Variants in NECTIN1 observed in about 807,000 individuals in gnomAD.
The protein encoded by NECTIN1 is nectin cell adhesion molecule 1, also known as nectin-1.
In NECTIN1, 23 loss-of-function variants were observed where a neutral mutation model predicts 48.0. The ratio of observed to expected loss-of-function variants is 0.48; its 90% CI spans 0.34 to 0.68. The LOEUF (loss-of-function observed/expected upper bound fraction) is 0.68. NECTIN1 is among the 30% of genes least tolerant of loss of function. The pLI is 0.01. For synonymous variants in NECTIN1, 270 were observed against 288.9 expected (o/e 0.93, Z 0.66); for missense variants, 591 against 709.9 (o/e 0.83, Z 1.90).
At chr11:119,726,349 C>A (rs1167666521) in intron 1 of NECTIN1, among the ~76,000 whole-genome samples, 1 of 152,192 alleles carries the variant, frequency 6.6e-6, no homozygotes, top group Non-Finnish European at 1.5e-5. Context: ...CCTCCCTGCA[C>A]CCGTGGACCC....
intron 1 of NECTIN1, 144 bp downstream of exon 1, chr11:119,728,331 C>T (rs1263707978): frequency 5.7e-6 from 4 of 707,428 alleles, no homozygotes; most frequent in Non-Finnish European, 9.2e-6. Flanking sequence ...TCCGCCGTGC[C>T]ACCTCCCACC....
chr11:119,650,951 G>A (rs373926972), intron 5 of NECTIN1, among the ~76,000 whole-genome samples: 123 of 152,216 alleles, frequency 8.1e-4, no homozygotes, highest in Middle Eastern at 6.8e-3. Flanking sequence ...CTGTTGTTAG[G>A]CTCCTGGGAC....
intron 1 of NECTIN1, among the ~76,000 whole-genome samples, chr11:119,706,135 C>T (rs1366291198): frequency 6.6e-6 from 1 of 152,242 alleles, no homozygotes; most frequent in Non-Finnish European, 1.5e-5. Context: ...CTTCCACCTT[C>T]CCCTTCCGTC....
chr11:119,669,961 A>ATTTTTT (rs1565384688), intron 5 of NECTIN1, among the ~76,000 whole-genome samples: 1 of 141,992 alleles, frequency 7.0e-6, no homozygotes, highest in African/African-American at 2.8e-5. Flanking sequence ...CAAAATTACT[A>ATTTTTT]CTTTTTTTTT....
intron 1 of NECTIN1, among the ~76,000 whole-genome samples, chr11:119,679,169 G>A (rs1865016381): frequency 6.6e-6 from 1 of 152,062 alleles, no homozygotes; most frequent in Admixed American, 6.5e-5. Context: ...GTTGCTTTTC[G>A]AGCAGAGCCC....
At chr11:119,691,509 C>T (rs1865252143) in intron 1 of NECTIN1, among the ~76,000 whole-genome samples, 1 of 152,212 alleles carries the variant, frequency 6.6e-6, no homozygotes, top group Admixed American at 6.5e-5. Context: ...GGGCACGGTG[C>T]TGCCCACTCT....
chr11:119,682,252 A>G (rs1865071823), intron 1 of NECTIN1, among the ~76,000 whole-genome samples: 1 of 152,098 alleles, frequency 6.6e-6, no homozygotes, highest in South Asian at 2.1e-4. Context: ...AGGGATCACC[A>G]CCGGAAAGAA....
At chr11:119,719,933 C>T (rs1374720819) in intron 1 of NECTIN1, among the ~76,000 whole-genome samples, 1 of 151,852 alleles carries the variant, frequency 6.6e-6, no homozygotes, top group African/African-American at 2.4e-5. Context: ...CTTCAGTATT[C>T]AGATTTCATA....
chr11:119,677,890 C>T lies in NECTIN1; in HGVS notation c.431-33G>A, dbSNP rs749417229. ...GAAGCAGAGAGAGTGATGGGACTAG[C>T]CCTGTTGACTTGTCCAAGATGCACC... On this transcript the variant is annotated intron_variant, in intron 2 of 5. Coordinates refer to ENST00000264025, the MANE Select transcript of NECTIN1 (RefSeq NM_002855.5). This position sits in a 1 kb window ranked among gnomAD's most constrained non-coding sequence, Gnocchi z 5.4. 3 of 1,604,652 alleles carry T rather than the reference C, an allele frequency of 1.9e-6. No homozygotes were observed. The highest frequency in any genetic ancestry group is 2.2e-5 in the South Asian group (2 of 90,810).
chr11:119,720,465 C>A (rs1156847512), intron 1 of NECTIN1, among the ~76,000 whole-genome samples: 1 of 152,288 alleles, frequency 6.6e-6, no homozygotes, highest in Non-Finnish European at 1.5e-5. Flanking sequence ...CCCATCTCCA[C>A]TGACTCATTT....
intron 1 of NECTIN1, among the ~76,000 whole-genome samples, chr11:119,700,829 G>A (rs1865438141): frequency 6.6e-6 from 1 of 152,146 alleles, no homozygotes; most frequent in Admixed American, 6.5e-5. Flanking sequence ...TTCTGGGATG[G>A]GGGGTATATG....
At chr11:119,701,660 A>G (rs935465041) in intron 1 of NECTIN1, among the ~76,000 whole-genome samples, 1 of 152,110 alleles carries the variant, frequency 6.6e-6, no homozygotes, top group African/African-American at 2.4e-5. Flanking sequence ...GCATCTGGAG[A>G]GGAGACAAAC....
intron 1 of NECTIN1, among the ~76,000 whole-genome samples, chr11:119,721,375 C>T (rs371656362): frequency 5.3e-5 from 8 of 152,366 alleles, no homozygotes; most frequent in African/African-American, 1.9e-4. Context: ...ATAGCTTGAA[C>T]TCAGACTCCC....
chr11:119,670,903 T>A (rs547079977), intron 5 of NECTIN1, among the ~76,000 whole-genome samples: 1 of 152,090 alleles, frequency 6.6e-6, no homozygotes, highest in African/African-American at 2.4e-5. Context: ...CCTCCCAAAG[T>A]GCTGGGATTA....
intron 5 of NECTIN1, among the ~76,000 whole-genome samples, chr11:119,643,849 GAGCACTTATTGC>G (rs1012700150): frequency 6.6e-6 from 1 of 152,242 alleles, no homozygotes; most frequent in Non-Finnish European, 1.5e-5. Context: ...GGCCTCCAGG[GAGCACTTATTGC>G]CCACCAGGCT....
At position 119,673,388 on chromosome 11, in the gene NECTIN1, C is replaced by T. The variant is rs1591454722; in HGVS notation, c.1003+1771G>A. On this transcript the variant is annotated intron_variant, in intron 5 of 5. Transcript: ENST00000264025. This position sits in a 1 kb window ranked among gnomAD's most constrained non-coding sequence, Gnocchi z 5.8. ...GCTGCCAGCAAGAGCCATGTTGTGT[C>T]CCTCTTCCAGCTGGGACCCTAGGTG... 6.6e-6 allele frequency among the ~76,000 whole-genome samples: 1 copy of T among 152,192 alleles called. No individual in the cohort carries two copies. Among genetic ancestry groups the T allele is most frequent in the East Asian group, 1.9e-4 (1 of 5,194 alleles).
At chr11:119,667,671 C>T (rs1301220426) in intron 5 of NECTIN1, among the ~76,000 whole-genome samples, 1 of 152,192 alleles carries the variant, frequency 6.6e-6, no homozygotes, top group Non-Finnish European at 1.5e-5. Context: ...TCTCTGAGTG[C>T]TATCTCCAGC....
downstream of NECTIN1, among the ~76,000 whole-genome samples, chr11:119,659,912 C>T (rs1459214737): frequency 1.3e-5 from 2 of 152,198 alleles, no homozygotes; most frequent in South Asian, 2.1e-4. Context: ...AGGAAGTGAC[C>T]GCTTAAACAA....
In NECTIN1 at chr11:119,709,055, C is replaced by A. The variant is rs1437382828; in HGVS notation, c.79+19420G>T. On this transcript the variant is annotated intron_variant, in intron 1 of 5. Coordinates refer to ENST00000264025, the MANE Select transcript of NECTIN1 (RefSeq NM_002855.5). This position sits in a 1 kb window ranked among gnomAD's most constrained non-coding sequence, Gnocchi z 4.1. ...AGAGATCCTGAGACACTCTACCCCC[C>A]ACGCCCGCCCACATAGCCAACATAT... Among the ~76,000 whole-genome samples, 3 of 152,046 alleles carry A rather than the reference C, an allele frequency of 2.0e-5. No individual in the cohort carries two copies. The highest frequency in any genetic ancestry group is 4.8e-5 in the African/African-American group (2 of 41,386).
Sources: allele counts gnomAD v4.1 joint callset (sites outside exome capture counted in the v4.1 genomes callset), GRCh38; gene constraint gnomAD v4.1.1; non-coding constraint Gnocchi (gnomAD v3.1); transcripts MANE v1.5; gene names NCBI Gene and HGNC (gene_info 2026-07-23, HGNC 2026-07-21).